EPM2A: variants seen among roughly 807,000 people sequenced by gnomAD.
The protein encoded by EPM2A is EPM2A glucan phosphatase, laforin, also known as laforin.
Under a neutral mutation model 26.5 loss-of-function variants are expected in EPM2A, and 21 were observed. The observed-to-expected ratio is 0.79, with a 90% confidence interval of 0.56 to 1.14. EPM2A has a LOEUF of 1.14. Among genes scored for constraint, EPM2A ranks in the 50% most tolerant of loss-of-function variants. The pLI is 0.00. For missense variants in EPM2A, 458 were observed against 440.8 expected (o/e 1.04, Z -0.35); for synonymous variants, 217 against 177.6 (o/e 1.22, Z -1.76).
chr6:145,654,534 G>A (rs570128999), intron 2 of EPM2A, among the ~76,000 whole-genome samples: 2 of 152,206 alleles, frequency 1.3e-5, no homozygotes, highest in South Asian at 4.1e-4. Context: ...AAAAAGTTTT[G>A]ATCTGCCATA....
intron 1 of EPM2A, among the ~76,000 whole-genome samples, chr6:145,732,236 T>TGTGTATGC (rs374032616): frequency 7.6e-6 from 1 of 132,146 alleles, no homozygotes; most frequent in African/African-American, 2.8e-5. Context: ...TGTGTGTGTG[T>TGTGTATGC]GCGCGCCAAA....
At chr6:145,486,881 G>A (rs867417608) in intron 4 of EPM2A, among the ~76,000 whole-genome samples, 22 of 152,028 alleles carry the variant, frequency 1.4e-4, no homozygotes, top group African/African-American at 2.9e-4. Flanking sequence ...TACAGGATGC[G>A]CAGGTTTGTT....
chr6:145,434,114 C>G (rs1778956137), intron 4 of EPM2A, among the ~76,000 whole-genome samples: 1 of 151,960 alleles, frequency 6.6e-6, no homozygotes, highest in Non-Finnish European at 1.5e-5. Context: ...CCTTTGGACA[C>G]TTCAAAGATG....
chr6:145,728,573 G>A (rs975637935), intron 1 of EPM2A, among the ~76,000 whole-genome samples: 2 of 152,206 alleles, frequency 1.3e-5, no homozygotes, highest in South Asian at 4.1e-4. Context: ...GTATCTGGTG[G>A]AAGAAATTTC....
intron 2 of EPM2A, among the ~76,000 whole-genome samples, chr6:145,682,039 G>A (rs76071024): frequency 0.032 from 4,809 of 152,092 alleles, 270 homozygotes; most frequent in African/African-American, 0.11. Context: ...GCATTAGTCC[G>A]TTTTCACTCT....
intron 2 of EPM2A, among the ~76,000 whole-genome samples, chr6:145,656,453 C>G (rs578256612): frequency 1.8e-4 from 27 of 152,336 alleles, no homozygotes; most frequent in Non-Finnish European, 2.9e-4. Flanking sequence ...GGCCCTGAAA[C>G]TAACATATAG....
At chr6:145,500,979 A>G (rs1311272115), downstream of EPM2A, among the ~76,000 whole-genome samples, 1 of 152,230 alleles carries the variant, frequency 6.6e-6, no homozygotes, top group Non-Finnish European at 1.5e-5. Context: ...AGTCAGATTC[A>G]TCAAGCATTT....
chr6:145,679,779 C>G (rs188215447), intron 2 of EPM2A, among the ~76,000 whole-genome samples: 15 of 152,214 alleles, frequency 9.9e-5, no homozygotes, highest in Admixed American at 9.8e-4. Flanking sequence ...GATTGGAAAG[C>G]ATAATGGCTT....
chr6:145,479,649 T>C (rs1779588927), intron 4 of EPM2A, among the ~76,000 whole-genome samples: 1 of 152,080 alleles, frequency 6.6e-6, no homozygotes, highest in African/African-American at 2.4e-5. Context: ...TGTTTACCTT[T>C]TCATAAGTTG....
intron 4 of EPM2A, among the ~76,000 whole-genome samples, chr6:145,440,057 T>C (rs935118040): frequency 6.6e-6 from 1 of 152,158 alleles, no homozygotes; most frequent in Non-Finnish European, 1.5e-5. Flanking sequence ...CCCAGAACCA[T>C]TTATTGAATA....
chr6:145,614,761 A>G (rs991452949), intron 2 of EPM2A, among the ~76,000 whole-genome samples: 2 of 152,240 alleles, frequency 1.3e-5, no homozygotes, highest in African/African-American at 2.4e-5. Flanking sequence ...GGCACCCCAA[A>G]GCAATTACAA....
chr6:145,508,717 T>A lies in EPM2A; in HGVS notation c.341-6142A>T, dbSNP rs1780013188. Among the ~76,000 whole-genome samples, 3 of 152,352 alleles carry A rather than the reference T, an allele frequency of 2.0e-5. No homozygotes were observed. In the South Asian group the frequency reaches 6.2e-4, roughly 32 times the overall value. ...GTGTTTTTTCACCTCCAAAGGATTG[T>A]ACTAGCTTTCTAGCAATGATCCTTA... On this transcript the variant is annotated intron_variant, in intron 2 of 3. Coordinates refer to the EPM2A transcript ENST00000450221.
chr6:145,594,318 C>A (rs1297305893), intron 2 of EPM2A, among the ~76,000 whole-genome samples: 1 of 151,714 alleles, frequency 6.6e-6, no homozygotes, highest in African/African-American at 2.4e-5. Context: ...AGGTTCATTT[C>A]TTATTGAAAG....
chr6:145,549,333 A>G (rs1780624204), intron 2 of EPM2A, among the ~76,000 whole-genome samples: 1 of 152,184 alleles, frequency 6.6e-6, no homozygotes, highest in Non-Finnish European at 1.5e-5. Flanking sequence ...GTTAAAAAGT[A>G]TAAAGCAATA....
At chr6:145,669,080 G>A (rs1055402294) in intron 2 of EPM2A, among the ~76,000 whole-genome samples, 1 of 152,112 alleles carries the variant, frequency 6.6e-6, no homozygotes, top group Non-Finnish European at 1.5e-5. Context: ...AATGAATCAA[G>A]CTGATATTTT....
At chr6:145,491,617 T>C (rs1455639282) in intron 4 of EPM2A, 1 of 357,834 alleles carries the variant, frequency 2.8e-6, no homozygotes, top group Non-Finnish European at 5.5e-6. Context: ...GCTTTGGAAA[T>C]GACATTCGAG....
intron 1 of EPM2A, among the ~76,000 whole-genome samples, chr6:145,709,605 G>A (rs753242309): frequency 2.6e-5 from 4 of 152,230 alleles, no homozygotes; most frequent in Middle Eastern, 6.8e-3. Context: ...ACCCAGTCTC[G>A]AGTATGTCTT....
intron 2 of EPM2A, among the ~76,000 whole-genome samples, chr6:145,549,352 T>A (rs1035044375): frequency 2.6e-5 from 4 of 152,148 alleles, no homozygotes; most frequent in African/African-American, 9.6e-5. Context: ...TATAATTCTG[T>A]TTTGAAGAAT....
intron 2 of EPM2A, among the ~76,000 whole-genome samples, chr6:145,510,054 T>C (rs954074861): frequency 6.6e-6 from 1 of 152,036 alleles, no homozygotes; most frequent in African/African-American, 2.4e-5. Context: ...AATATATGTT[T>C]ACCCAACATT....
Sources: gnomAD v4.1 joint callset for allele counts (sites outside exome capture counted in the v4.1 genomes callset) on GRCh38, gnomAD v4.1.1 for gene constraint, MANE v1.5 for transcripts, NCBI Gene and HGNC (gene_info 2026-07-23, HGNC 2026-07-21) for gene names.